The following DGKK variants were observed in gnomAD, a reference collection of about 807,000 sequenced individuals.
DGKK encodes 142 kDa diacylglycerol kinase.
In DGKK, 35 loss-of-function variants were observed where a neutral mutation model predicts 92.2. The ratio of observed to expected loss-of-function variants is 0.38; its 90% CI spans 0.29 to 0.50. DGKK has a LOEUF of 0.50. DGKK is among the 20% of genes least tolerant of loss of function. The pLI, the probability that DGKK is intolerant of heterozygous loss-of-function variation, is 0.92. For missense variants in DGKK, 910 were observed against 992.2 expected (o/e 0.92, Z 1.11); for synonymous variants, 368 against 360.6 (o/e 1.02, Z -0.23).
At chrX:50,385,961 A>G (rs1366857507) in intron 15 of DGKK, among the ~76,000 whole-genome samples, 5 of 111,987 alleles carry the variant, frequency 4.5e-5, no homozygotes, top group Non-Finnish European at 5.6e-5. Context: ...AGAGTTGAAC[A>G]CCATTTTCTT....
chrX:50,376,565 G>A (rs1444625121), intron 23 of DGKK, among the ~76,000 whole-genome samples, 193 bp downstream of exon 23: 2 of 111,986 alleles, frequency 1.8e-5, no homozygotes, highest in Non-Finnish European at 3.8e-5. Flanking sequence ...AATGAGAGAT[G>A]TCTAACCTGG....
At chrX:50,386,226 C>T (rs1464016240) in intron 15 of DGKK, 132 bp downstream of exon 15, 1 of 494,032 alleles carries the variant, frequency 2.0e-6, no homozygotes, top group Admixed American at 3.6e-5. Flanking sequence ...ACTTTGTATA[C>T]AATATGAATG....
In DGKK at chrX:50,392,419, A is replaced by G; in HGVS notation, c.1626T>C (p.Phe542=). ...GLSMFKNFAR[F]RILVCGGDGS... ...CATCTCCACCACAAACCAGAATGCGAAAGCGAGCAAAGTTCTTGAACATAG... is the reference window on the plus strand; with the variant it reads ...CATCTCCACCACAAACCAGAATGCGGAAGCGAGCAAAGTTCTTGAACATAG... The change falls in exon 10 of 28, where the codon TTT becomes TTC. Residue 542 remains phenylalanine (F), a synonymous_variant. Transcript: ENST00000611977. 1 of 1,211,376 alleles carries G rather than the reference A, an allele frequency of 8.3e-7. No individual in the cohort carries two copies. Among genetic ancestry groups the G allele is most frequent in the Non-Finnish European group, 1.1e-6 (1 of 894,841 alleles).
chrX:50,403,950 A>T (rs1557226947), intron 5 of DGKK, 99 bp downstream of exon 5: 1 of 1,011,789 alleles, frequency 9.9e-7, no homozygotes, highest in African/African-American at 1.9e-5. Context: ...CACCAGAGTC[A>T]GTGACCTAGT....
intron 1 of DGKK, among the ~76,000 whole-genome samples, chrX:50,460,346 A>G (rs1264835812): frequency 8.9e-6 from 1 of 112,039 alleles, no homozygotes; most frequent in Non-Finnish European, 1.9e-5. Flanking sequence ...TTAGTCCTAC[A>G]AGCCATACTT....
At chrX:50,447,357 A>AT (rs59456316) in intron 1 of DGKK, among the ~76,000 whole-genome samples, 3 of 8,170 alleles carry the variant, frequency 3.7e-4, no homozygotes, top group African/African-American at 1.3e-3. Flanking sequence ...ATATATATAT[A>AT]ATATATATAT....
chrX:50,374,091 C>T (rs1285282412), intron 25 of DGKK, among the ~76,000 whole-genome samples: 1 of 111,702 alleles, frequency 9.0e-6, no homozygotes, highest in Non-Finnish European at 1.9e-5. Flanking sequence ...TGAATTGTGT[C>T]CCCCCAGGAA....
chrX:50,461,448 G>C (rs1890571572), intron 1 of DGKK, among the ~76,000 whole-genome samples: 1 of 112,129 alleles, frequency 8.9e-6, no homozygotes, highest in Non-Finnish European at 1.9e-5. Flanking sequence ...ATCTCTGAGT[G>C]GTGGGGTACT....
intron 27 of DGKK, among the ~76,000 whole-genome samples, chrX:50,369,384 C>G (rs1232199291): frequency 9.0e-6 from 1 of 111,575 alleles, no homozygotes; most frequent in Non-Finnish European, 1.9e-5. Flanking sequence ...CGTGCAAACT[C>G]TTAGTTCCTT....
At chrX:50,384,880 G>A in intron 15 of DGKK, 56 bp from the exon 16 acceptor site, 4 of 843,656 alleles carry the variant, frequency 4.7e-6, no homozygotes, top group Non-Finnish European at 6.9e-6. Context: ...AGGGAGGGAG[G>A]AAGAAAGGAG....
Position 50,470,555 on chromosome X carries a change from CCGGCGGCGGAGCCGGTGGTGGTGG to C in DGKK, c.100_123del (p.Pro34_Pro41del). ...GAAGCCTCGGAGAGCAGCGGCGGAG[CCGGCGGCGGAGCCGGTGGTGGTGG>C]CGGCGGCGGCCAAGGCGGCGGAGGC... On this transcript the variant is annotated inframe_deletion, in exon 1 of 28. Coordinates refer to ENST00000611977, the MANE Select transcript of DGKK (RefSeq NM_001013742.4). The C allele has an allele frequency of 8.3e-7, 1 of 1,204,436 alleles. No individual in the cohort carries two copies. Among genetic ancestry groups the C allele is most frequent in the Non-Finnish European group, 1.1e-6 (1 of 893,429 alleles).
intron 8 of DGKK, among the ~76,000 whole-genome samples, chrX:50,400,586 C>A (rs1354022165): frequency 3.6e-5 from 4 of 111,765 alleles, no homozygotes; most frequent in African/African-American, 1.3e-4. Context: ...CTTAATAAAT[C>A]ACTAGAGTCC....
At chrX:50,388,109 A>G (rs1031832317) in intron 13 of DGKK, among the ~76,000 whole-genome samples, 2 of 112,248 alleles carry the variant, frequency 1.8e-5, no homozygotes, top group Admixed American at 9.4e-5. Flanking sequence ...AAGAAGTCCC[A>G]GAAGAAACAA....
chrX:50,405,566 C>A (rs1925131768), intron 4 of DGKK, among the ~76,000 whole-genome samples: 1 of 106,449 alleles, frequency 9.4e-6, no homozygotes, highest in African/African-American at 3.5e-5. Context: ...GAGCTAGCTA[C>A]TGAGGGCTCT....
At chrX:50,404,007 C>G (rs782316960) in intron 5 of DGKK, 42 bp downstream of exon 5, 18 of 1,198,552 alleles carry the variant, frequency 1.5e-5, no homozygotes, top group Non-Finnish European at 2.0e-5. Context: ...ATCCCTATAT[C>G]TACCCACTGA....
intron 23 of DGKK, 47 bp downstream of exon 23, chrX:50,376,711 A>T (rs1217035970): frequency 1.8e-6 from 2 of 1,100,492 alleles, no homozygotes; most frequent in Non-Finnish European, 2.4e-6. Flanking sequence ...TCTTCTCCCT[A>T]TGCCTTCTTA....
intron 4 of DGKK, among the ~76,000 whole-genome samples, chrX:50,408,419 C>T (rs1408813164): frequency 8.9e-6 from 1 of 112,057 alleles, no homozygotes; most frequent in Non-Finnish European, 1.9e-5. Flanking sequence ...CGCACCGTGG[C>T]CCAGGCTGGA....
intron 15 of DGKK, 94 bp from the exon 16 acceptor site, chrX:50,384,918 T>G: frequency 1.9e-5 from 11 of 573,657 alleles, no homozygotes; most frequent in Non-Finnish European, 3.1e-5. Flanking sequence ...AAGGAAAGAT[T>G]AATTACACTT....
chrX:50,378,721 C>T (rs1557224116), intron 20 of DGKK, 30 bp from the exon 21 acceptor site: 6 of 1,087,980 alleles, frequency 5.5e-6, no homozygotes, highest in Non-Finnish European at 7.6e-6. Flanking sequence ...TCACATCTCC[C>T]ACCCTTGAGA....
Sources: allele counts gnomAD v4.1 joint callset (sites outside exome capture counted in the v4.1 genomes callset), GRCh38; gene constraint gnomAD v4.1.1; transcripts MANE v1.5; gene names NCBI Gene and HGNC (gene_info 2026-07-23, HGNC 2026-07-21).